ADAMTSL1: variants seen among roughly 807,000 people sequenced by gnomAD.
ADAMTSL1 encodes the protein ADAMTS-like protein 1.
Under a neutral mutation model 201.8 loss-of-function variants are expected in ADAMTSL1, and 126 were observed. That is an observed-to-expected ratio of 0.62 (90% CI 0.54 to 0.72). ADAMTSL1 has a LOEUF of 0.72. Ranked by LOEUF, ADAMTSL1 falls within the 30% of genes least tolerant of loss-of-function variation. ADAMTSL1 has a pLI of 0.00. For synonymous variants in ADAMTSL1, 1,121 were observed against 903.4 expected (o/e 1.24, Z -4.32); for missense variants, 2,679 against 2,277.8 (o/e 1.18, Z -3.59).
At chr9:18,297,118 TCA>T (rs1218740697) in intron 2 of ADAMTSL1, among the ~76,000 whole-genome samples, 1 of 152,128 alleles carries the variant, frequency 6.6e-6, no homozygotes, top group Non-Finnish European at 1.5e-5. Flanking sequence ...ACTAACAGGG[TCA>T]CGATTTTCCC....
intron 2 of ADAMTSL1, among the ~76,000 whole-genome samples, chr9:18,249,747 C>T (rs544776831): frequency 2.0e-5 from 3 of 152,178 alleles, no homozygotes; most frequent in Non-Finnish European, 4.4e-5. Flanking sequence ...TCATGTTACT[C>T]TCAACCAAAA....
rs529513650 is a variant in ADAMTSL1, at chr9:18,645,215, A to G, written c.834+5804A>G. Among the ~76,000 whole-genome samples, 991 of 152,038 alleles carry G rather than the reference A, an allele frequency of 6.5e-3. 7 individuals carry two copies. The highest frequency in any genetic ancestry group is 0.021 in the African/African-American group (890 of 41,456). ...TGAGAAGTGTCTGTTCATGTCCTTC[A>G]CCCACTTTTTGATGGGGTTGTTTGT... On this transcript the variant is annotated intron_variant, in intron 7 of 28. Transcript: ENST00000380548.
chr9:17,968,439 G>T (rs1327080179), intron 1 of ADAMTSL1, among the ~76,000 whole-genome samples: 3 of 152,098 alleles, frequency 2.0e-5, no homozygotes, highest in South Asian at 4.1e-4. Flanking sequence ...CAATTATCTG[G>T]TTAGTTCAGA....
intron 1 of ADAMTSL1, among the ~76,000 whole-genome samples, chr9:17,999,300 G>T (rs1019906585): frequency 3.3e-5 from 5 of 151,866 alleles, no homozygotes; most frequent in African/African-American, 4.8e-5. Context: ...GCTAGAACTG[G>T]TGAAGCCTAT....
At chr9:18,839,097 A>G (rs960392226) in intron 23 of ADAMTSL1, among the ~76,000 whole-genome samples, 3 of 149,864 alleles carry the variant, frequency 2.0e-5, no homozygotes, top group African/African-American at 7.4e-5. Flanking sequence ...GGTTACTTAC[A>G]TATGTATACA....
intron 1 of ADAMTSL1, among the ~76,000 whole-genome samples, chr9:17,978,418 G>A (rs994353057): frequency 6.6e-5 from 10 of 151,678 alleles, no homozygotes; most frequent in Non-Finnish European, 1.5e-4. Flanking sequence ...TTTCTGTTGT[G>A]GTATTATTCG....
upstream of ADAMTSL1, chr9:18,474,077 CA>C: frequency 7.3e-6 from 4 of 550,202 alleles, no homozygotes; most frequent in East Asian, 3.4e-5. Flanking sequence ...CCCACCCATC[CA>C]CCCACCCACC....
At chr9:18,645,985 G>GGCCA in intron 7 of ADAMTSL1, among the ~76,000 whole-genome samples, 1 of 152,016 alleles carries the variant, frequency 6.6e-6, no homozygotes, top group East Asian at 1.9e-4. Flanking sequence ...TGGGCAGTAT[G>GGCCA]GCCATTTTCA....
chr9:17,984,587 C>A (rs773659480), intron 1 of ADAMTSL1, among the ~76,000 whole-genome samples: 4 of 152,050 alleles, frequency 2.6e-5, no homozygotes, highest in Non-Finnish European at 5.9e-5. Context: ...TAATTTTTTA[C>A]ATTTAGTTAC....
At chr9:18,775,050 CTTTTTTT>C (rs11299398) in intron 17 of ADAMTSL1, among the ~76,000 whole-genome samples, 1 of 147,728 alleles carries the variant, frequency 6.8e-6, no homozygotes, top group East Asian at 2.0e-4. Flanking sequence ...CACTTGTTGT[CTTTTTTT>C]TTTATTATTA....
At chr9:18,817,087 T>G in intron 20 of ADAMTSL1, 22 bp from the exon 21 acceptor site, 1 of 1,607,452 alleles carries the variant, frequency 6.2e-7, no homozygotes, top group Non-Finnish European at 8.5e-7. Flanking sequence ...AAGTAACATC[T>G]CATATTCTTT....
At chr9:18,815,711 CAAAAAAAAAAAA>C (rs35926602) in intron 20 of ADAMTSL1, among the ~76,000 whole-genome samples, 9,510 of 68,708 alleles carry the variant, frequency 0.14, 528 homozygotes, top group East Asian at 0.37. Context: ...AACCCTGTCT[CAAAAAAAAAAAA>C]AAAAAAAAAA....
At chr9:18,175,956 A>G (rs1828127977) in intron 2 of ADAMTSL1, among the ~76,000 whole-genome samples, 1 of 142,154 alleles carries the variant, frequency 7.0e-6, no homozygotes, top group Non-Finnish European at 1.5e-5. Flanking sequence ...AAGAAGGTAT[A>G]TTGAGATTTC....
At chr9:17,927,440 A>G (rs1441946190) in intron 1 of ADAMTSL1, among the ~76,000 whole-genome samples, 2 of 152,060 alleles carry the variant, frequency 1.3e-5, no homozygotes, top group Non-Finnish European at 2.9e-5. Flanking sequence ...ATATATGTAC[A>G]TATATACATA....
intron 2 of ADAMTSL1, among the ~76,000 whole-genome samples, chr9:18,435,320 A>C (rs1819678103): frequency 6.6e-6 from 1 of 152,190 alleles, no homozygotes; most frequent in Non-Finnish European, 1.5e-5. Context: ...AGACTTTAGC[A>C]AATATTCATT....
intron 20 of ADAMTSL1, among the ~76,000 whole-genome samples, chr9:18,800,127 A>C (rs751938069): frequency 6.6e-6 from 1 of 152,158 alleles, no homozygotes; most frequent in Non-Finnish European, 1.5e-5. Context: ...CTGTAATCCC[A>C]GCACTTTGGG....
intron 23 of ADAMTSL1, among the ~76,000 whole-genome samples, chr9:18,866,009 G>T (rs185977863): frequency 6.6e-6 from 1 of 151,018 alleles, no homozygotes; most frequent in Non-Finnish European, 1.5e-5. Context: ...GGGAGGGTTG[G>T]GAATGGTTTA....
intron 1 of ADAMTSL1, among the ~76,000 whole-genome samples, chr9:17,965,949 G>C (rs1281390686): frequency 2.0e-5 from 3 of 152,166 alleles, no homozygotes; most frequent in South Asian, 4.2e-4. Flanking sequence ...CAATCACTTG[G>C]GTCTTCTCTA....
chr9:18,503,980 A>ATGTGTGTGTGTGTGTGTGTGTG (rs57749719), intron 1 of ADAMTSL1, among the ~76,000 whole-genome samples: 39 of 148,136 alleles, frequency 2.6e-4, no homozygotes, highest in African/African-American at 9.7e-4. Flanking sequence ...ATGTGCATGC[A>ATGTGTGTGTGTGTGTGTGTGTG]TGTGTGTGTG....
Sources: gnomAD v4.1 joint callset for allele counts (sites outside exome capture counted in the v4.1 genomes callset) on GRCh38, gnomAD v4.1.1 for gene constraint, MANE v1.5 for transcripts, NCBI Gene and HGNC (gene_info 2026-07-23, HGNC 2026-07-21) for gene names.